KIRREL3: variants seen among roughly 807,000 people sequenced by gnomAD.
KIRREL3 encodes the protein kin of IRRE-like protein 3.
Under a neutral mutation model 89.7 loss-of-function variants are expected in KIRREL3, and 36 were observed. That is an observed-to-expected ratio of 0.40 (90% CI 0.31 to 0.53). KIRREL3 has a LOEUF of 0.53. Among genes scored for constraint, KIRREL3 ranks in the 20% least tolerant of loss-of-function variants. KIRREL3 has a pLI of 0.49. For missense variants in KIRREL3, 864 were observed against 1,056.6 expected, an observed-to-expected ratio of 0.82 and a Z score of 2.53; for synonymous variants, 445 against 441.4, an observed-to-expected ratio of 1.01 and a Z score of -0.10.
chr11:126,449,751 A>T (rs1479098829), intron 7 of KIRREL3, among the ~76,000 whole-genome samples: 2 of 152,238 alleles, frequency 1.3e-5, no homozygotes, highest in African/African-American at 2.4e-5. Context: ...GTGAGCGAGT[A>T]GCCCTGGCTG....
In KIRREL3 at chr11:126,603,943, C is replaced by G. The variant is rs188874969; in HGVS notation, c.56-41031G>C. 3.4e-3 allele frequency among the ~76,000 whole-genome samples: 520 copies of G among 152,324 alleles called. 17 individuals are homozygous for G. The highest frequency in any genetic ancestry group is 1.0e-3 in the Non-Finnish European group (68 of 68,022). Reference sequence around the variant, plus strand: ...CTGGAGATCAACATCATGGTCCCATCTTTAAGAGGAACCAGGATCTGTTTT... The same window carrying G: ...CTGGAGATCAACATCATGGTCCCATGTTTAAGAGGAACCAGGATCTGTTTT... On this transcript the variant is annotated intron_variant, in intron 1 of 16. Coordinates refer to ENST00000525144, the MANE Select transcript of KIRREL3 (RefSeq NM_032531.4).
Position 126,740,120 on chromosome 11 carries a change from T to C in KIRREL3, c.56-177208A>G, listed in dbSNP as rs555148873. Among the ~76,000 whole-genome samples, 10 of 152,296 alleles carry C rather than the reference T, an allele frequency of 6.6e-5. No individual in the cohort carries two copies. The highest frequency in any genetic ancestry group is 3.4e-3 in the Middle Eastern group (1 of 294). On this transcript the variant is annotated intron_variant, in intron 1 of 16. Transcript: ENST00000525144. The surrounding 1 kb of genome is among the most constrained non-coding windows in gnomAD (Gnocchi z 6.0). Reference sequence around the variant, plus strand: ...TGGCCCATTAGTTCAAATTGTGTTTTTTTCTTCCCTCCTTCTTTTATTTAA... The same window carrying C: ...TGGCCCATTAGTTCAAATTGTGTTTCTTTCTTCCCTCCTTCTTTTATTTAA...
chr11:126,514,654 A>G (rs4341546), intron 4 of KIRREL3, among the ~76,000 whole-genome samples: 67,094 of 152,194 alleles, frequency 0.44, 17,727 homozygotes, highest in African/African-American at 0.74. Flanking sequence ...ACCCCATGAA[A>G]GCAGTTATGA....
rs116442911 is a variant in KIRREL3 at position 126,784,588 on chromosome 11, A to T, written c.55+215867T>A. Among the ~76,000 whole-genome samples the T allele has an allele frequency of 1.3e-4, 20 of 151,350 alleles. No homozygotes were observed. The East Asian group carries it at 3.9e-3, about 29-fold the overall frequency. On this transcript the variant is annotated intron_variant, in intron 1 of 16. Coordinates refer to ENST00000525144, the MANE Select transcript of KIRREL3 (RefSeq NM_032531.4). ...ACAGTCAGACTTACCCTCTATCACC[A>T]TTTTACTTAGCGCTTATCCTGCACC...
rs955877180 is a variant in KIRREL3, at chr11:126,946,635, T to C, written c.55+53820A>G. ...CTCATAAAATATGTCCCAATATCCA[T>C]AACAGGAAGGACATTACTTCATAAT... On this transcript the variant is annotated intron_variant, in intron 1 of 16. Transcript: ENST00000525144. The surrounding 1 kb of genome is among the most constrained non-coding windows in gnomAD (Gnocchi z 4.1). Among the ~76,000 whole-genome samples, 3 of 152,192 alleles carry C rather than the reference T, an allele frequency of 2.0e-5. No individual in the cohort carries two copies. The highest frequency in any genetic ancestry group is 7.2e-5 in the African/African-American group (3 of 41,450).
rs939738792 is a variant in KIRREL3 at position 126,892,078 on chromosome 11, C to T, written c.55+108377G>A. ...ATTCTGATCCTGGCTCTATCAGTGT[C>T]TCTGTGCACCAGAGAGAGGCCACTT... On this transcript the variant is annotated intron_variant, in intron 1 of 16. Transcript: ENST00000525144. This position sits in a 1 kb window ranked among gnomAD's most constrained non-coding sequence, Gnocchi z 5.4. Among the ~76,000 whole-genome samples the T allele has an allele frequency of 6.6e-5, 10 of 152,300 alleles. No homozygotes were observed. Among genetic ancestry groups the T allele is most frequent in the Admixed American group, 5.2e-4 (8 of 15,310 alleles).
intron 4 of KIRREL3, among the ~76,000 whole-genome samples, chr11:126,478,688 T>C (rs1399477290): frequency 1.3e-5 from 2 of 152,162 alleles, no homozygotes; most frequent in African/African-American, 2.4e-5. Flanking sequence ...TGTATGTGCA[T>C]GTAGATGTAC....
upstream of KIRREL3, chr11:127,002,930 G>C (rs1011069359): frequency 6.6e-6 from 1 of 152,058 alleles, no homozygotes; most frequent in Non-Finnish European, 1.5e-5. Context: ...GGAAAGAAGA[G>C]GGGGGCCTGG....
chr11:126,894,851 T>C (rs1451316804), intron 1 of KIRREL3, among the ~76,000 whole-genome samples: 1 of 152,118 alleles, frequency 6.6e-6, no homozygotes, highest in Non-Finnish European at 1.5e-5. Context: ...AGGAGATTCC[T>C]AAAGGAAGTG....
rs1162570343 is a variant in KIRREL3 at position 126,778,926 on chromosome 11, T to C, written c.56-216014A>G. ...AGCTATGCAGTTGTTCACCTGTTTC[T>C]GAACACACACACAAGGTAATACATG... On this transcript the variant is annotated intron_variant, in intron 1 of 16. Transcript: ENST00000525144. This position sits in a 1 kb window ranked among gnomAD's most constrained non-coding sequence, Gnocchi z 4.5. Among the ~76,000 whole-genome samples, 1 of 152,226 alleles carries C rather than the reference T, an allele frequency of 6.6e-6. No individual in the cohort carries two copies. The highest frequency in any genetic ancestry group is 2.4e-5 in the African/African-American group (1 of 41,458).
At chr11:126,701,241 T>C (rs535650529) in intron 1 of KIRREL3, among the ~76,000 whole-genome samples, 1 of 152,336 alleles carries the variant, frequency 6.6e-6, no homozygotes, top group South Asian at 2.1e-4. Context: ...GTGACACCCC[T>C]TCATGATGAA....
chr11:126,560,801 A>G (rs971568667), intron 2 of KIRREL3, among the ~76,000 whole-genome samples: 1 of 152,234 alleles, frequency 6.6e-6, no homozygotes, highest in Non-Finnish European at 1.5e-5. Flanking sequence ...AATTGTTCTA[A>G]TATCTCACTA....
At chr11:126,447,406 G>T (rs1045283982) in intron 8 of KIRREL3, among the ~76,000 whole-genome samples, 1 of 152,206 alleles carries the variant, frequency 6.6e-6, no homozygotes, top group Admixed American at 6.5e-5. Flanking sequence ...CACCTCTGGG[G>T]TGGGATGGGG....
chr11:126,957,581 A>C (rs2135168773), intron 1 of KIRREL3, among the ~76,000 whole-genome samples: 1 of 152,346 alleles, frequency 6.6e-6, no homozygotes, highest in East Asian at 1.9e-4. Flanking sequence ...AAGTCAAAGA[A>C]GGAGCAGTCT....
chr11:126,547,475 T>A (rs557999019), intron 2 of KIRREL3, among the ~76,000 whole-genome samples: 2 of 152,172 alleles, frequency 1.3e-5, no homozygotes, highest in African/African-American at 4.8e-5. Context: ...TCCTCCCCCG[T>A]GTGTTTGGAG....
Position 126,740,390 on chromosome 11 carries a change from G to T in KIRREL3, c.56-177478C>A, listed in dbSNP as rs987157933. 1.8e-5 allele frequency among the ~76,000 whole-genome samples: 2 copies of T among 109,130 alleles called. No homozygotes were observed. Among genetic ancestry groups the T allele is most frequent in the Non-Finnish European group, 3.7e-5 (2 of 54,378 alleles). 71.6% of individuals were successfully genotyped at this position (109,130 alleles called of 152,430 possible). A position where few individuals can be genotyped will look rare whatever the true frequency, so the allele number is the denominator to read the frequency against. The stretch of plus-strand genomic sequence containing the variant: ...GGAGATGGTATTCATTCTGTGTTTG[G>T]TGCTGCAGTAGTGGTCTGGAATTGT... On this transcript the variant is annotated intron_variant, in intron 1 of 16. Coordinates refer to ENST00000525144, the MANE Select transcript of KIRREL3 (RefSeq NM_032531.4). This position sits in a 1 kb window ranked among gnomAD's most constrained non-coding sequence, Gnocchi z 6.0.
In KIRREL3 at chr11:126,890,496, A is replaced by G. The variant is rs78907929; in HGVS notation, c.55+109959T>C. ...TGTCCAATCTGCTGCTCAATTTTCAACAGGATCTCATCAAGCACTTTGCCA... is the reference window on the plus strand; with the variant it reads ...TGTCCAATCTGCTGCTCAATTTTCAGCAGGATCTCATCAAGCACTTTGCCA... On this transcript the variant is annotated intron_variant, in intron 1 of 16. Coordinates refer to ENST00000525144, the MANE Select transcript of KIRREL3 (RefSeq NM_032531.4). This position sits in a 1 kb window ranked among gnomAD's most constrained non-coding sequence, Gnocchi z 5.1. 0.017 allele frequency among the ~76,000 whole-genome samples: 2,542 copies of G among 152,286 alleles called. 36 individuals carry two copies. The highest frequency in any genetic ancestry group is 0.025 in the Non-Finnish European group (1,682 of 68,016).
At chr11:126,450,499 ATGTGTGCATG>A (rs770032646) in intron 7 of KIRREL3, among the ~76,000 whole-genome samples, 75 of 85,872 alleles carry the variant, frequency 8.7e-4, no homozygotes, top group Non-Finnish European at 1.6e-3. Flanking sequence ...GAGTGTGTGC[ATGTGTGCATG>A]TGTGTGTGTG....
In KIRREL3 at chr11:126,768,166, ATCCAATCCATCCATCCATCCATCCATCC is replaced by A. The variant is rs1565715356; in HGVS notation, c.56-205282_56-205255del. On this transcript the variant is annotated intron_variant, in intron 1 of 16. Transcript: ENST00000525144. The surrounding 1 kb of genome is among the most constrained non-coding windows in gnomAD (Gnocchi z 4.5). ...CATCCATCCATCCATCCATCCATCC[ATCCAATCCATCCATCCATCCATCCATCC>A]ATCCATCCATCCATCCATCCATCCA... is the stretch of plus-strand genomic sequence containing the variant. Among the ~76,000 whole-genome samples the A allele has an allele frequency of 2.3e-5, 3 of 128,212 alleles. No homozygotes were observed. Among genetic ancestry groups the A allele is most frequent in the African/African-American group, 6.7e-5 (2 of 29,758 alleles). 84.1% of individuals were successfully genotyped at this position (128,212 alleles called of 152,430 possible).
Sources: allele counts gnomAD v4.1 joint callset (sites outside exome capture counted in the v4.1 genomes callset), GRCh38; gene constraint gnomAD v4.1.1; non-coding constraint Gnocchi (gnomAD v3.1); transcripts MANE v1.5; gene names NCBI Gene and HGNC (gene_info 2026-07-23, HGNC 2026-07-21).